SRPK2: variants seen among roughly 807,000 people sequenced by gnomAD.
The protein encoded by SRPK2 is SFRS protein kinase 2.
SRPK2 carries 21 observed loss-of-function variants against 90.8 expected under a neutral mutation model. The ratio of observed to expected loss-of-function variants is 0.23; its 90% CI spans 0.16 to 0.33. SRPK2 has a LOEUF of 0.33. Ranked by LOEUF, SRPK2 falls within the 10% of genes least tolerant of loss-of-function variation. The pLI is 1.00. For synonymous variants in SRPK2, 288 were observed against 311.1 expected, an observed-to-expected ratio of 0.93 and a Z score of 0.78; for missense variants, 620 against 869.0, an observed-to-expected ratio of 0.71 and a Z score of 3.60.
At chr7:105,229,748 A>G (rs947717037) in intron 2 of SRPK2, among the ~76,000 whole-genome samples, 7 of 148,062 alleles carry the variant, frequency 4.7e-5, no homozygotes, top group Admixed American at 1.3e-4. Context: ...CAGAGCAAAA[A>G]GATCTCAATA....
intron 11 of SRPK2, among the ~76,000 whole-genome samples, chr7:105,133,537 T>A (rs1802342747): frequency 6.6e-6 from 1 of 152,110 alleles, no homozygotes; most frequent in African/African-American, 2.4e-5. Context: ...GGCCGATCAC[T>A]CTCAGTGACA....
intron 2 of SRPK2, among the ~76,000 whole-genome samples, chr7:105,281,916 C>A (rs998435985): frequency 6.6e-6 from 1 of 152,044 alleles, no homozygotes; most frequent in African/African-American, 2.4e-5. Context: ...CATAATCCCC[C>A]GATAAAAATT....
At chr7:105,325,328 T>C (rs1813432957) in intron 2 of SRPK2, among the ~76,000 whole-genome samples, 1 of 152,136 alleles carries the variant, frequency 6.6e-6, no homozygotes, top group Non-Finnish European at 1.5e-5. Flanking sequence ...GATTATTACA[T>C]GCCTTTGTGA....
intron 2 of SRPK2, among the ~76,000 whole-genome samples, chr7:105,303,206 T>C (rs1409037165): frequency 6.6e-6 from 1 of 151,974 alleles, no homozygotes; most frequent in African/African-American, 2.4e-5. Context: ...GAGCAAACTA[T>C]TGCAAGGACA....
At chr7:105,221,382 C>T (rs538494270) in intron 2 of SRPK2, among the ~76,000 whole-genome samples, 5 of 152,332 alleles carry the variant, frequency 3.3e-5, no homozygotes, top group Non-Finnish European at 7.3e-5. Context: ...GTGATACCCA[C>T]TTTTCTCACC....
rs761945620 is a variant in SRPK2 at position 105,169,177 on chromosome 7, G to C, written c.318C>G (p.Val106=). 1.2e-6 allele frequency: 2 copies of C among 1,612,964 alleles called. No individual in the cohort carries two copies. Among genetic ancestry groups the C allele is most frequent in the African/African-American group, 1.3e-5 (1 of 74,988 alleles). The change falls in exon 4 of 16, where the codon GTC becomes GTG. Residue 106 remains valine, a synonymous_variant. Coordinates refer to ENST00000393651, the MANE Select transcript of SRPK2 (RefSeq NM_182692.3). ...RKLGWGHFST[V]WLCWDMQGKR... ...CTTACTGCATATCCCAGCACAGCCA[G>C]ACAGTAGAGAAGTGCCCCCATCCAA...
chr7:105,141,984 C>G, intron 11 of SRPK2, 24 bp downstream of exon 11: 7 of 1,584,434 alleles, frequency 4.4e-6, no homozygotes, highest in Non-Finnish European at 6.0e-6. Context: ...CGATGGCAGA[C>G]AGTTGATGGG....
intron 2 of SRPK2, among the ~76,000 whole-genome samples, chr7:105,318,113 G>C (rs1309959288): frequency 6.6e-6 from 1 of 152,048 alleles, no homozygotes; most frequent in African/African-American, 2.4e-5. Flanking sequence ...TTTGTTTTTT[G>C]ATACAGAGTC....
intron 2 of SRPK2, among the ~76,000 whole-genome samples, chr7:105,204,028 C>T (rs1227126702): frequency 1.3e-5 from 2 of 151,506 alleles, no homozygotes; most frequent in Non-Finnish European, 2.9e-5. Flanking sequence ...GGTATCTTTT[C>T]ACTTAGCGCT....
chr7:105,190,988 T>C (rs1794212320), intron 3 of SRPK2, among the ~76,000 whole-genome samples: 1 of 152,198 alleles, frequency 6.6e-6, no homozygotes, highest in Admixed American at 6.5e-5. Context: ...TTTTAATATA[T>C]GTTACACTAT....
chr7:105,378,709 G>C (rs144120312), intron 2 of SRPK2, among the ~76,000 whole-genome samples: 24 of 149,386 alleles, frequency 1.6e-4, no homozygotes, highest in African/African-American at 5.7e-4. Context: ...GTTGCAGTGA[G>C]CCGAGATCAT....
chr7:105,180,944 G>A (rs1369246219), intron 3 of SRPK2, among the ~76,000 whole-genome samples: 4 of 152,086 alleles, frequency 2.6e-5, no homozygotes, highest in African/African-American at 7.2e-5. Flanking sequence ...ACAACCTACA[G>A]GATGGCAGAA....
intron 11 of SRPK2, among the ~76,000 whole-genome samples, chr7:105,138,840 G>C (rs1171344733): frequency 6.6e-6 from 1 of 152,158 alleles, no homozygotes; most frequent in Non-Finnish European, 1.5e-5. Context: ...CTTACACGTT[G>C]TAATAGTATT....
At chr7:105,391,183 A>AATAAATTT (rs1554534315), upstream of SRPK2, among the ~76,000 whole-genome samples, 3 of 148,404 alleles carry the variant, frequency 2.0e-5, no homozygotes, top group Admixed American at 6.8e-5. Flanking sequence ...ATGACTATAA[A>AATAAATTT]ATTTATTTAT....
upstream of SRPK2, among the ~76,000 whole-genome samples, chr7:105,393,856 G>T (rs961350240): frequency 6.6e-6 from 1 of 151,934 alleles, no homozygotes; most frequent in Admixed American, 6.6e-5. Context: ...TTGAGCCCAG[G>T]AGTTCAAGGT....
At chr7:105,387,890 C>T (rs1821812168) in intron 2 of SRPK2, among the ~76,000 whole-genome samples, 1 of 152,206 alleles carries the variant, frequency 6.6e-6, no homozygotes, top group African/African-American at 2.4e-5. Flanking sequence ...CTCGGGTGAG[C>T]GGCCAGGCTG....
At chr7:105,386,073 A>G (rs557184332) in intron 2 of SRPK2, among the ~76,000 whole-genome samples, 147 of 151,378 alleles carry the variant, frequency 9.7e-4, no homozygotes, top group Admixed American at 4.4e-3. Flanking sequence ...CCAGCACTTT[A>G]GGAGGCCGAG....
chr7:105,261,515 G>A (rs1423765294), intron 2 of SRPK2, among the ~76,000 whole-genome samples: 6 of 150,880 alleles, frequency 4.0e-5, no homozygotes, highest in African/African-American at 1.5e-4. Flanking sequence ...AGCAAGACTC[G>A]AGACTCCATC....
chr7:105,340,046 A>G (rs1815561907), intron 2 of SRPK2, among the ~76,000 whole-genome samples: 1 of 151,634 alleles, frequency 6.6e-6, no homozygotes, highest in African/African-American at 2.4e-5. Flanking sequence ...AGACAGAGTG[A>G]AACACTGTCA....
Sources: gnomAD v4.1 joint callset for allele counts (sites outside exome capture counted in the v4.1 genomes callset) on GRCh38, gnomAD v4.1.1 for gene constraint, MANE v1.5 for transcripts, NCBI Gene and HGNC (gene_info 2026-07-23, HGNC 2026-07-21) for gene names.